CPED1: variants seen among roughly 807,000 people sequenced by gnomAD.
CPED1 encodes cadherin like and PC-esterase domain containing 1.
In CPED1, 114 loss-of-function variants were observed where a neutral mutation model predicts 128.2. The observed-to-expected ratio is 0.89, with a 90% confidence interval of 0.76 to 1.04. CPED1 has a LOEUF of 1.04. CPED1 is among the 50% of genes least tolerant of loss of function. The pLI, the probability that CPED1 is intolerant of heterozygous loss-of-function variation, is 0.00. For synonymous variants in CPED1, 462 were observed against 426.7 expected (o/e 1.08, Z -1.02); for missense variants, 1,211 against 1,207.1 (o/e 1.00, Z -0.05).
At chr7:121,015,966 C>A in intron 3 of CPED1, 118 bp downstream of exon 3, 2 of 639,262 alleles carry the variant, frequency 3.1e-6, no homozygotes, top group Non-Finnish European at 4.6e-6. Context: ...TATCCATGAC[C>A]AACTTTCTCA....
chr7:121,062,437 A>G (rs182701806), intron 4 of CPED1, among the ~76,000 whole-genome samples: 1 of 152,310 alleles, frequency 6.6e-6, no homozygotes. Context: ...AGTCCTTTTT[A>G]TTAGTCTATT....
At chr7:121,179,422 T>G (rs1796853123) in intron 16 of CPED1, among the ~76,000 whole-genome samples, 1 of 152,046 alleles carries the variant, frequency 6.6e-6, no homozygotes, top group Non-Finnish European at 1.5e-5. Context: ...TGTAATAAAT[T>G]TAAAGGGTAG....
chr7:121,273,181 A>AGGG (rs1438055004), intron 22 of CPED1, among the ~76,000 whole-genome samples: 2 of 151,932 alleles, frequency 1.3e-5, no homozygotes, highest in African/African-American at 4.8e-5. Flanking sequence ...GGTGACAACT[A>AGGG]AAGTTTCCTT....
At chr7:121,004,654 G>A (rs1379025664) in intron 2 of CPED1, among the ~76,000 whole-genome samples, 3 of 152,170 alleles carry the variant, frequency 2.0e-5, no homozygotes, top group Non-Finnish European at 4.4e-5. Flanking sequence ...GGTTGGGAAA[G>A]TAGATAGAGA....
chr7:121,129,339 A>ACG (rs1563037696), intron 11 of CPED1, among the ~76,000 whole-genome samples: 1 of 87,916 alleles, frequency 1.1e-5, no homozygotes, highest in African/African-American at 3.6e-5. Context: ...ATATATACGT[A>ACG]TATATATATA....
intron 12 of CPED1, among the ~76,000 whole-genome samples, chr7:121,131,730 T>C (rs1795675583): frequency 6.6e-6 from 1 of 151,988 alleles, no homozygotes; most frequent in African/African-American, 2.4e-5. Context: ...TATTCAAAAA[T>C]CCCAACTTTA....
intron 2 of CPED1, among the ~76,000 whole-genome samples, chr7:121,005,018 G>A (rs905731744): frequency 4.6e-5 from 7 of 152,070 alleles, no homozygotes; most frequent in African/African-American, 1.7e-4. Context: ...AGAGATAATG[G>A]CTTATTTAGT....
At chr7:121,132,623 A>G (rs1032703807) in intron 12 of CPED1, among the ~76,000 whole-genome samples, 14 of 152,094 alleles carry the variant, frequency 9.2e-5, no homozygotes, top group African/African-American at 3.4e-4. Flanking sequence ...GTGGTGCACC[A>G]TGTGCTAATT....
intron 18 of CPED1, among the ~76,000 whole-genome samples, chr7:121,255,331 T>C (rs60706788): frequency 0.38 from 57,302 of 151,906 alleles, 13,415 homozygotes; most frequent in East Asian, 0.87. Flanking sequence ...TCAATACATA[T>C]AGAAAAAGCT....
chr7:121,228,468 A>T (rs954968652), intron 16 of CPED1, among the ~76,000 whole-genome samples: 50 of 151,996 alleles, frequency 3.3e-4, no homozygotes, highest in Admixed American at 7.2e-4. Flanking sequence ...AATGACTATT[A>T]TTAAAAAGAC....
chr7:121,098,814 AAT>A (rs1355100243), intron 6 of CPED1, among the ~76,000 whole-genome samples: 123 of 141,920 alleles, frequency 8.7e-4, no homozygotes, highest in Middle Eastern at 3.7e-3. Context: ...ATATATAAAT[AAT>A]ATATATATAA....
At chr7:121,138,832 C>T (rs188837990) in intron 14 of CPED1, among the ~76,000 whole-genome samples, 98 of 152,064 alleles carry the variant, frequency 6.4e-4, no homozygotes, top group African/African-American at 2.1e-3. Context: ...AAGCACAGCC[C>T]ATAACTCAAC....
intron 4 of CPED1, among the ~76,000 whole-genome samples, chr7:121,059,858 C>T (rs914628819): frequency 7.9e-5 from 12 of 152,216 alleles, no homozygotes; most frequent in African/African-American, 2.9e-4. Context: ...TGCCTGGGCT[C>T]CCACTTTGGC....
At chr7:121,261,538 A>C (rs1024544659) in intron 18 of CPED1, 94 of 1,529,158 alleles carry the variant, frequency 6.1e-5, no homozygotes, top group Non-Finnish European at 7.7e-5. Flanking sequence ...CATGAGACTG[A>C]GTTCTAACCA....
chr7:121,121,221 GT>G (rs954617187), intron 7 of CPED1, among the ~76,000 whole-genome samples: 7 of 152,080 alleles, frequency 4.6e-5, no homozygotes, highest in African/African-American at 1.7e-4. Context: ...CATGATCCAA[GT>G]TTTTCTATAT....
chr7:121,177,746 C>G (rs1050762659), intron 16 of CPED1, among the ~76,000 whole-genome samples: 1 of 152,034 alleles, frequency 6.6e-6, no homozygotes, highest in Non-Finnish European at 1.5e-5. Flanking sequence ...AATGTCATGA[C>G]ATGACATTTT....
chr7:121,240,252 C>T (rs1798359728), intron 17 of CPED1, among the ~76,000 whole-genome samples: 1 of 152,164 alleles, frequency 6.6e-6, no homozygotes, highest in Non-Finnish European at 1.5e-5. Flanking sequence ...GTTTCTTCAT[C>T]CTTGGCAGCA....
At chr7:121,182,485 C>T (rs546673784) in intron 16 of CPED1, among the ~76,000 whole-genome samples, 6 of 151,482 alleles carry the variant, frequency 4.0e-5, no homozygotes, top group Non-Finnish European at 8.8e-5. Context: ...TTATTTCTTC[C>T]TTTCTTTCCT....
intron 21 of CPED1, 79 bp from the exon 22 acceptor site, chr7:121,271,205 C>G: frequency 8.6e-7 from 1 of 1,159,392 alleles, no homozygotes; most frequent in Non-Finnish European, 1.2e-6. Context: ...AAGACATTTA[C>G]ATAATTTCCA....
Sources: gnomAD v4.1 joint callset for allele counts (sites outside exome capture counted in the v4.1 genomes callset) on GRCh38, gnomAD v4.1.1 for gene constraint, MANE v1.5 for transcripts, NCBI Gene and HGNC (gene_info 2026-07-23, HGNC 2026-07-21) for gene names.